The following FAM168A variants were observed in gnomAD, a reference collection of about 807,000 sequenced individuals.
The protein encoded by FAM168A is family with sequence similarity 168 member A.
Under a neutral mutation model 28.5 loss-of-function variants are expected in FAM168A, and 3 were observed. The observed-to-expected ratio is 0.11, with a 90% CI of 0.05 to 0.27. FAM168A has a LOEUF of 0.27. Among genes scored for constraint, FAM168A ranks in the 10% least tolerant of loss-of-function variants. The probability of loss-of-function intolerance (pLI) is 1.00; values close to 1 mark genes in which losing one functional copy is unlikely to be tolerated. For synonymous variants in FAM168A, 122 were observed against 124.2 expected (o/e 0.98, Z 0.12); for missense variants, 222 against 311.5 (o/e 0.71, Z 2.16).
At chr11:73,502,350 G>C (rs995046587) in intron 1 of FAM168A, among the ~76,000 whole-genome samples, 1 of 152,132 alleles carries the variant, frequency 6.6e-6, no homozygotes, top group Non-Finnish European at 1.5e-5. Flanking sequence ...ACTACCATCA[G>C]AGAGTACTAT....
intron 1 of FAM168A, among the ~76,000 whole-genome samples, chr11:73,478,956 G>A (rs879596085): frequency 6.6e-6 from 1 of 152,178 alleles, no homozygotes; most frequent in Non-Finnish European, 1.5e-5. Flanking sequence ...TCAGTTAAAG[G>A]ATTCTATTTC....
At chr11:73,500,924 G>A (rs1854998513) in intron 1 of FAM168A, among the ~76,000 whole-genome samples, 1 of 151,808 alleles carries the variant, frequency 6.6e-6, no homozygotes, top group East Asian at 1.9e-4. Context: ...ACCCATTGGT[G>A]TGCTGTATTC....
At chr11:73,430,656 T>A (rs767446738) in intron 3 of FAM168A, 34 bp downstream of exon 3, 14 of 1,590,666 alleles carry the variant, frequency 8.8e-6, no homozygotes, top group Non-Finnish European at 1.1e-5. Flanking sequence ...CCCTTCCCAC[T>A]CCATTCGCCA....
At chr11:73,492,854 T>C (rs1455259470) in intron 1 of FAM168A, among the ~76,000 whole-genome samples, 2 of 152,182 alleles carry the variant, frequency 1.3e-5, no homozygotes, top group African/African-American at 4.8e-5. Flanking sequence ...AACAAAATCC[T>C]GTCCTTTGCA....
intron 2 of FAM168A, among the ~76,000 whole-genome samples, chr11:73,446,139 A>G (rs1003656017): frequency 2.0e-5 from 3 of 152,250 alleles, no homozygotes; most frequent in African/African-American, 7.2e-5. Context: ...AGGTACATTG[A>G]ATTACAATTA....
rs185852748 is a variant in FAM168A at position 73,571,864 on chromosome 11, G to A, written c.-19+26059C>T. On this transcript the variant is annotated intron_variant, in intron 1 of 7. Transcript: ENST00000356467. ...GAGCGTCTCTGCCTGGCCACCCATC[G>A]TCTGAGATGTGGGGAGCGCCCCTGC... Among the ~76,000 whole-genome samples the A allele has an allele frequency of 7.2e-3, 1,075 of 149,968 alleles. 11 individuals carry two copies. The highest frequency in any genetic ancestry group is 0.021 in the Middle Eastern group (6 of 284).
chr11:73,473,160 T>C (rs551534098), intron 1 of FAM168A, among the ~76,000 whole-genome samples: 2 of 152,328 alleles, frequency 1.3e-5, no homozygotes, highest in South Asian at 2.1e-4. Flanking sequence ...CTAAGTATTA[T>C]TTTTATTATA....
At chr11:73,596,971 A>G (rs903753610) in intron 1 of FAM168A, among the ~76,000 whole-genome samples, 2 of 152,102 alleles carry the variant, frequency 1.3e-5, no homozygotes. Flanking sequence ...CCCTGCCGCT[A>G]TCCTTTCAAT....
chr11:73,468,254 A>G (rs540020980), intron 2 of FAM168A, 151 bp downstream of exon 2: 5 of 601,242 alleles, frequency 8.3e-6, no homozygotes, highest in South Asian at 4.9e-5. Context: ...AGGTTCTCTG[A>G]GATCTTTCCG....
intron 1 of FAM168A, among the ~76,000 whole-genome samples, chr11:73,504,140 CA>C (rs1855063557): frequency 6.6e-6 from 1 of 152,050 alleles, no homozygotes. Flanking sequence ...CAACAAAAGC[CA>C]AAATTGACAA....
chr11:73,561,955 T>C (rs1470254478), intron 1 of FAM168A, among the ~76,000 whole-genome samples: 2 of 152,218 alleles, frequency 1.3e-5, no homozygotes, highest in African/African-American at 2.4e-5. Context: ...TCTTTTTTTT[T>C]TTCCAAAGAC....
At chr11:73,499,557 T>C (rs566201275) in intron 1 of FAM168A, among the ~76,000 whole-genome samples, 1 of 152,208 alleles carries the variant, frequency 6.6e-6, no homozygotes, top group Admixed American at 6.5e-5. Context: ...CTTCAGAAGA[T>C]GGGTAATAAA....
intron 1 of FAM168A, among the ~76,000 whole-genome samples, chr11:73,549,010 C>T (rs1439933923): frequency 2.0e-5 from 3 of 152,072 alleles, no homozygotes; most frequent in Non-Finnish European, 2.9e-5. Flanking sequence ...GGCACAATCC[C>T]GGCTCACTGC....
intron 6 of FAM168A, 116 bp downstream of exon 6, chr11:73,409,371 C>T (rs1288059360): frequency 3.7e-6 from 5 of 1,346,728 alleles, no homozygotes; most frequent in South Asian, 1.4e-5. Context: ...GGTTCCCAAG[C>T]CCCCTGGCAC....
intron 1 of FAM168A, among the ~76,000 whole-genome samples, chr11:73,487,747 A>G (rs1041053903): frequency 2.0e-5 from 3 of 152,100 alleles, no homozygotes; most frequent in African/African-American, 7.2e-5. Context: ...TTAATTTCAA[A>G]TATCTCATTC....
In FAM168A at chr11:73,401,608, A is replaced by C. The variant is rs1866412756; in HGVS notation, c.*5155T>G. ...GCTGTTACATCTGTTCTCCTTAGGA[A>C]GGAAAATCCCCCTGCTATCAGTGGC... On this transcript the variant is annotated 3_prime_UTR_variant, in exon 8 of 8. Transcript: ENST00000356467. 1 of 152,260 alleles carries C rather than the reference A, an allele frequency of 6.6e-6. No homozygotes were observed. The highest frequency in any genetic ancestry group is 1.5e-5 in the Non-Finnish European group (1 of 68,058). The allele number at this position is 152,260 out of a possible 1,614,324, so 9.4% of individuals were successfully genotyped here.
chr11:73,502,718 T>C (rs966459970), intron 1 of FAM168A, among the ~76,000 whole-genome samples: 3 of 152,128 alleles, frequency 2.0e-5, no homozygotes, highest in African/African-American at 7.2e-5. Flanking sequence ...TCAGGCCAAA[T>C]ATCCCTGATG....
chr11:73,461,482 G>A (rs941254413), intron 2 of FAM168A, among the ~76,000 whole-genome samples: 3 of 152,138 alleles, frequency 2.0e-5, no homozygotes, highest in Non-Finnish European at 2.9e-5. Flanking sequence ...TCTAAGAACA[G>A]GGTTGGATTT....
chr11:73,543,313 G>T (rs1213940128), intron 1 of FAM168A, among the ~76,000 whole-genome samples: 1 of 145,176 alleles, frequency 6.9e-6, no homozygotes, highest in Non-Finnish European at 1.5e-5. Flanking sequence ...GCCCAGGCTG[G>T]AGTGCAGTGG....
Sources: allele counts gnomAD v4.1 joint callset (sites outside exome capture counted in the v4.1 genomes callset), GRCh38; gene constraint gnomAD v4.1.1; transcripts MANE v1.5; gene names NCBI Gene and HGNC (gene_info 2026-07-23, HGNC 2026-07-21).